Variants in IGSF5 observed in about 807,000 individuals in gnomAD.
IGSF5 encodes the protein immunoglobulin superfamily 5 like.
A neutral mutation model predicts 39.4 loss-of-function variants in IGSF5; 41 were observed. That is an observed-to-expected ratio of 1.04 (90% CI 0.81 to 1.35). IGSF5 has a LOEUF of 1.35. Ranked by LOEUF, IGSF5 falls within the 40% of genes most tolerant of loss-of-function variation. The pLI, the probability that IGSF5 is intolerant of heterozygous loss-of-function variation, is 0.00. For missense variants in IGSF5, 487 were observed against 494.6 expected, an observed-to-expected ratio of 0.98 and a Z score of 0.15; for synonymous variants, 183 against 175.3, an observed-to-expected ratio of 1.04 and a Z score of -0.34.
At chr21:39,782,400 A>G (rs1429544939) in intron 5 of IGSF5, among the ~76,000 whole-genome samples, 1 of 152,230 alleles carries the variant, frequency 6.6e-6, no homozygotes, top group East Asian at 1.9e-4. Context: ...TTGAGTGTAC[A>G]GTTCAGTAGC....
Position 39,754,137 on chromosome 21 carries a change from T to C in IGSF5, c.100+7839T>C, listed in dbSNP as rs1024030017. 2.6e-5 allele frequency among the ~76,000 whole-genome samples: 4 copies of C among 152,246 alleles called. No individual in the cohort carries two copies. In the South Asian group the frequency reaches 6.2e-4, roughly 24 times the overall value. The stretch of plus-strand genomic sequence containing the variant: ...TCTATTTGGGTGCATATCAAACTTC[T>C]GTTTCAAGATTTAGAACTCCTTTTA... On this transcript the variant is annotated intron_variant, in intron 2 of 8. Transcript: ENST00000380588.
chr21:39,737,371 C>A, the IGSF5 span, among the ~76,000 whole-genome samples: 1 of 152,076 alleles, frequency 6.6e-6, no homozygotes. Flanking sequence ...CCTGCAATTC[C>A]ATTCTGACAT....
intron 2 of IGSF5, among the ~76,000 whole-genome samples, chr21:39,751,982 GT>G (rs756201961): frequency 1.7e-3 from 260 of 152,224 alleles, no homozygotes; most frequent in Non-Finnish European, 3.1e-3. Context: ...CCCTTGCGTG[GT>G]TTTTGTTACA....
chr21:39,766,720 C>A (rs1007399672), intron 3 of IGSF5, among the ~76,000 whole-genome samples: 39 of 152,072 alleles, frequency 2.6e-4, no homozygotes, highest in African/African-American at 9.2e-4. Context: ...ATAGTCTTAC[C>A]AAAATTTAAT....
chr21:39,794,774 G>A (rs1305217271), intron 8 of IGSF5, among the ~76,000 whole-genome samples: 1 of 152,184 alleles, frequency 6.6e-6, no homozygotes, highest in African/African-American at 2.4e-5. Flanking sequence ...TCTGCTAGGA[G>A]CTGCTTTACC....
chr21:39,720,272 G>A, the IGSF5 span, among the ~76,000 whole-genome samples: 1 of 152,154 alleles, frequency 6.6e-6, no homozygotes, highest in Non-Finnish European at 1.5e-5. Context: ...GATCTGACAG[G>A]AGGCTGAGCT....
At chr21:39,732,612 C>T in the IGSF5 span, among the ~76,000 whole-genome samples, 1 of 152,154 alleles carries the variant, frequency 6.6e-6, no homozygotes, top group Non-Finnish European at 1.5e-5. Context: ...ATCTCTGACA[C>T]AAAACGTGGG....
In IGSF5 at chr21:39,757,042, T is replaced by TCCC. The variant is rs34782551; in HGVS notation, c.101-8489_101-8487dup. Reference sequence around the variant, plus strand: ...AGTTCATCAAGCACAGCAGGCACAGTCCCCCCGAGAGCCTTAGTACCTGCT... The same window carrying TCCC: ...AGTTCATCAAGCACAGCAGGCACAGTCCCCCCCCCGAGAGCCTTAGTACCTGCT... On this transcript the variant is annotated intron_variant, in intron 2 of 8. Transcript: ENST00000380588. 9.9e-5 allele frequency among the ~76,000 whole-genome samples: 15 copies of TCCC among 150,982 alleles called. 1 individual carries two copies. Among genetic ancestry groups the TCCC allele is most frequent in the Non-Finnish European group, 4.4e-5 (3 of 67,832 alleles).
At chr21:39,790,759 A>G (rs1326242317) in intron 6 of IGSF5, among the ~76,000 whole-genome samples, 1 of 152,202 alleles carries the variant, frequency 6.6e-6, no homozygotes, top group Admixed American at 6.5e-5. Context: ...TTCTGTGGGG[A>G]AATACAGCTG....
At chr21:39,723,630 C>T in the IGSF5 span, among the ~76,000 whole-genome samples, 1 of 152,140 alleles carries the variant, frequency 6.6e-6, no homozygotes, top group East Asian at 1.9e-4. Flanking sequence ...GTCACCCTGA[C>T]CTCACTGAGA....
At chr21:39,782,072 G>A (rs1273362379) in intron 5 of IGSF5, among the ~76,000 whole-genome samples, 1 of 152,130 alleles carries the variant, frequency 6.6e-6, no homozygotes, top group African/African-American at 2.4e-5. Flanking sequence ...TGTCCCGGCA[G>A]CATTGACTGA....
intron 2 of IGSF5, among the ~76,000 whole-genome samples, chr21:39,757,376 G>T (rs2837166): frequency 0.82 from 123,809 of 151,620 alleles, 50,726 homozygotes; most frequent in Admixed American, 0.86. Flanking sequence ...ATTTGGTCAG[G>T]CATTCAGAGG....
the IGSF5 span, among the ~76,000 whole-genome samples, chr21:39,712,261 CG>C: frequency 6.6e-6 from 1 of 152,120 alleles, no homozygotes; most frequent in East Asian, 1.9e-4. Flanking sequence ...CAGGGCAGTG[CG>C]GGATGTGATA....
At chr21:39,739,212 G>A in the IGSF5 span, among the ~76,000 whole-genome samples, 26 of 151,616 alleles carry the variant, frequency 1.7e-4, no homozygotes, top group Non-Finnish European at 2.9e-4. Context: ...TTACAGTCAT[G>A]AGCCATTGAG....
the IGSF5 span, among the ~76,000 whole-genome samples, chr21:39,721,451 C>T: frequency 2.4e-4 from 36 of 152,280 alleles, no homozygotes; most frequent in African/African-American, 7.0e-4. Context: ...CAAGTTCAGG[C>T]GGAAGTCCTG....
At chr21:39,796,363 G>A (rs1462969975) in intron 8 of IGSF5, among the ~76,000 whole-genome samples, 4 of 152,186 alleles carry the variant, frequency 2.6e-5, no homozygotes, top group African/African-American at 9.6e-5. Context: ...TATGTCACCA[G>A]GTTCGTGCTG....
chr21:39,743,788 G>A (rs2079958346), upstream of IGSF5, among the ~76,000 whole-genome samples: 1 of 152,208 alleles, frequency 6.6e-6, no homozygotes, highest in Non-Finnish European at 1.5e-5. Context: ...AGGTCTAGCT[G>A]TAAGATGGTG....
At chr21:39,798,079 G>C (rs1285856716) in intron 8 of IGSF5, among the ~76,000 whole-genome samples, 3 of 152,168 alleles carry the variant, frequency 2.0e-5, no homozygotes, top group Non-Finnish European at 4.4e-5. Context: ...TGAGGCCCTT[G>C]GGAAGTTCAG....
chr21:39,754,138 G>A (rs1569248219), intron 2 of IGSF5, among the ~76,000 whole-genome samples: 1 of 152,154 alleles, frequency 6.6e-6, no homozygotes, highest in African/African-American at 2.4e-5. Flanking sequence ...TCAAACTTCT[G>A]TTTCAAGATT....
Sources: allele counts gnomAD v4.1 joint callset (sites outside exome capture counted in the v4.1 genomes callset), GRCh38; gene constraint gnomAD v4.1.1; transcripts MANE v1.5; gene names NCBI Gene and HGNC (gene_info 2026-07-23, HGNC 2026-07-21).